The following SLFN14 variants were observed in gnomAD, a reference collection of about 807,000 sequenced individuals.
The protein encoded by SLFN14 is protein SLFN14.
SLFN14 carries 47 observed loss-of-function variants against 58.6 expected under a neutral mutation model. The observed-to-expected ratio is 0.80, with a 90% confidence interval of 0.64 to 1.02. The LOEUF is 1.02. Ranked by LOEUF, SLFN14 falls within the 50% of genes least tolerant of loss-of-function variation. SLFN14 has a pLI of 0.00. For synonymous variants in SLFN14, 390 were observed against 387.3 expected (o/e 1.01, Z -0.08); for missense variants, 967 against 1,078.4 (o/e 0.90, Z 1.45).
At position 35,545,395 on chromosome 17, in the gene SLFN14, G is replaced by A. The variant is rs978594265; in HGVS notation, c.*2844C>T. Among the ~76,000 whole-genome samples, 1 of 152,182 alleles carries A rather than the reference G, an allele frequency of 6.6e-6. No individual in the cohort carries two copies. The highest frequency in any genetic ancestry group is 2.4e-5 in the African/African-American group (1 of 41,450). Reference sequence around the variant, plus strand: ...TCCTCTTACTCTCAAGGAGCTCACAGTCTTAATAGGAAGAGAAATGTGCAC... The same window carrying A: ...TCCTCTTACTCTCAAGGAGCTCACAATCTTAATAGGAAGAGAAATGTGCAC... On this transcript the variant is annotated 3_prime_UTR_variant, in exon 6 of 6. Transcript: ENST00000674182.
In SLFN14 at chr17:35,552,940, C is replaced by T; in HGVS notation, c.1694G>A (p.Cys565Tyr). 1.3e-6 allele frequency: 2 copies of T among 1,551,626 alleles called. No homozygotes were observed. Among genetic ancestry groups the T allele is most frequent in the Non-Finnish European group, 1.7e-6 (2 of 1,146,998 alleles). ...SRSLLSDQMGCEFFNLLIMEQ... is the reference protein window; with the variant it reads ...SRSLLSDQMGYEFFNLLIMEQ... ...CATTATGAGCAAGTTGAAAAATTCACAGCCCATCTGGTCACTCAGAAGAGA... is the reference window on the plus strand; with the variant it reads ...CATTATGAGCAAGTTGAAAAATTCATAGCCCATCTGGTCACTCAGAAGAGA... Residue 565 changes from cysteine (C) to tyrosine (Y), a missense_variant, in exon 5 of 6, where the codon TGT becomes TAT. Physicochemically the swap from Cys to Tyr is radical, Grantham distance 194 (BLOSUM62 -2). Coordinates refer to ENST00000674182, the MANE Select transcript of SLFN14 (RefSeq NM_001129820.2).
chr17:35,552,666 A>ATG (rs2072605852), intron 5 of SLFN14, 64 bp downstream of exon 5: 3 of 866,248 alleles, frequency 3.5e-6, no homozygotes, highest in African/African-American at 3.5e-5. Flanking sequence ...ATATACACAT[A>ATG]TATATACACA....
intron 5 of SLFN14, among the ~76,000 whole-genome samples, 194 bp downstream of exon 5, chr17:35,552,536 G>T (rs576393879): frequency 6.6e-6 from 1 of 151,636 alleles, no homozygotes; most frequent in Admixed American, 6.6e-5. Context: ...TACCCTCTTT[G>T]GGTCCCCTCC....
At chr17:35,555,823 A>T (rs986724594) in intron 3 of SLFN14, among the ~76,000 whole-genome samples, 1 of 152,172 alleles carries the variant, frequency 6.6e-6, no homozygotes. Flanking sequence ...CAAAACTGAA[A>T]GGTAAGTGAG....
Position 35,553,618 on chromosome 17 carries a change from C to T in SLFN14, c.1190-174G>A, listed in dbSNP as rs151238498. ...ACTCCCCAACTCTCCCCCATCCCCA[C>T]GGACATTTGGCAATGTCTGGAAAAT... On this transcript the variant is annotated intron_variant, in intron 4 of 5. Transcript: ENST00000674182. 4.3e-4 allele frequency: 256 copies of T among 600,872 alleles called. 2 individuals carry two copies. Among genetic ancestry groups the T allele is most frequent in the African/African-American group, 3.6e-3 (190 of 53,372 alleles). 37.2% of individuals were successfully genotyped at this position (600,872 alleles called of 1,614,324 possible).
At position 35,544,528 on chromosome 17, in the gene SLFN14, CTTT is replaced by C. The variant is rs10641330; in HGVS notation, c.*3708_*3710del. On this transcript the variant is annotated 3_prime_UTR_variant, in exon 6 of 6. Coordinates refer to ENST00000674182, the MANE Select transcript of SLFN14 (RefSeq NM_001129820.2). ...CCCAGATAACAAGATGATTTAAGAA[CTTT>C]TTTTTTTTTTTTTTGAGACAGAGTT... Among the ~76,000 whole-genome samples, 3 of 139,826 alleles carry C rather than the reference CTTT, an allele frequency of 2.1e-5. No individual in the cohort carries two copies. The highest frequency in any genetic ancestry group is 7.2e-5 in the Admixed American group (1 of 13,972). The allele number at this position is 139,826 out of a possible 152,430, so 91.7% of individuals were successfully genotyped here. A position where few individuals can be genotyped will look rare whatever the true frequency, so the allele number is the denominator to read the frequency against.
intron 4 of SLFN14, among the ~76,000 whole-genome samples, chr17:35,553,744 T>C: frequency 6.6e-6 from 1 of 152,162 alleles, no homozygotes; most frequent in Non-Finnish European, 1.5e-5. Context: ...GTTCCAGTGA[T>C]TCTTCTGCCT....
chr17:35,554,265 T>A (rs1445061806), intron 4 of SLFN14, among the ~76,000 whole-genome samples: 2 of 149,548 alleles, frequency 1.3e-5, no homozygotes, highest in Non-Finnish European at 3.0e-5. Context: ...ATAGTGGGAA[T>A]CAGATGACTG....
chr17:35,554,130 C>G (rs1271398369), intron 4 of SLFN14, among the ~76,000 whole-genome samples: 1 of 151,752 alleles, frequency 6.6e-6, no homozygotes, highest in East Asian at 1.9e-4. Flanking sequence ...CCCAATGGCT[C>G]CTTCTGCATT....
At position 35,546,205 on chromosome 17, in the gene SLFN14, C is replaced by G. The variant is rs2072533342; in HGVS notation, c.*2034G>C. Among the ~76,000 whole-genome samples, 5 of 152,186 alleles carry G rather than the reference C, an allele frequency of 3.3e-5. No homozygotes were observed. The highest frequency in any genetic ancestry group is 2.1e-4 in the South Asian group (1 of 4,830). On this transcript the variant is annotated 3_prime_UTR_variant, in exon 6 of 6. Transcript: ENST00000674182. The stretch of plus-strand genomic sequence containing the variant: ...TTATTTTTATAGAATTCATACATCT[C>G]CCTACATCAGAATGTCAATGCACTG...
chr17:35,552,935 A>T lies in SLFN14; in HGVS notation c.1699T>A (p.Phe567Ile). Residue 567 changes from phenylalanine (F) to isoleucine (I), a missense_variant, in exon 5 of 6, where the codon TTT becomes ATT. Phe to Ile is a conservative substitution (Grantham distance 21). Coordinates refer to ENST00000674182, the MANE Select transcript of SLFN14 (RefSeq NM_001129820.2). ...TGCTCCATTATGAGCAAGTTGAAAA[A>T]TTCACAGCCCATCTGGTCACTCAGA... ...SLLSDQMGCEFFNLLIMEQSQ... is the reference protein window; with the variant it reads ...SLLSDQMGCEIFNLLIMEQSQ... 6.4e-7 allele frequency: 1 copy of T among 1,551,576 alleles called. No homozygotes were observed. The highest frequency in any genetic ancestry group is 8.7e-7 in the Non-Finnish European group (1 of 1,146,992).
Position 35,548,988 on chromosome 17 carries a change from T to A in SLFN14, c.1990A>T (p.Thr664Ser). The A allele has an allele frequency of 6.4e-7, 1 of 1,551,698 alleles. No homozygotes were observed. Among genetic ancestry groups the A allele is most frequent in the Non-Finnish European group, 8.7e-7 (1 of 1,146,988 alleles). Residue 664 changes from threonine (T) to serine (S), a missense_variant, in exon 6 of 6, where the codon ACT becomes TCT. Coordinates refer to ENST00000674182, the MANE Select transcript of SLFN14 (RefSeq NM_001129820.2). ...LKIKHIVMDE[T>S]ENFCSKYGNW... ...CCATATTTGCTGCAGAAATTCTCAG[T>A]CTCATCCATCACTATGTGTTTAATC...
rs1418306089 is a variant in SLFN14 at position 35,544,437 on chromosome 17, T to C, written c.*3802A>G. Among the ~76,000 whole-genome samples the C allele has an allele frequency of 6.6e-6, 1 of 152,126 alleles. No homozygotes were observed. The highest frequency in any genetic ancestry group is 1.5e-5 in the Non-Finnish European group (1 of 68,036). Reference sequence around the variant, plus strand: ...TGATGGCACAACTTGATCATAACTGTGTGAAAATATTTTTCCATATCAACA... The same window carrying C: ...TGATGGCACAACTTGATCATAACTGCGTGAAAATATTTTTCCATATCAACA... On this transcript the variant is annotated 3_prime_UTR_variant, in exon 6 of 6. Coordinates refer to ENST00000674182, the MANE Select transcript of SLFN14 (RefSeq NM_001129820.2).
chr17:35,548,454 G>A lies in SLFN14; in HGVS notation c.2524C>T (p.His842Tyr), dbSNP rs2072552264. Residue 842 changes from histidine (H) to tyrosine (Y), a missense_variant, in exon 6 of 6, where the codon CAC (histidine) becomes TAC (tyrosine). Transcript: ENST00000674182. ...LLKAMELIET[H>Y]RPSEVVFSPA... ...CTAAACACAACCTCTGATGGTCTGT[G>A]GGTCTCAATTAATTCCATTGCTTTG... 5 of 1,551,712 alleles carry A rather than the reference G, an allele frequency of 3.2e-6. No homozygotes were observed. Among genetic ancestry groups the A allele is most frequent in the Non-Finnish European group, 4.4e-6 (5 of 1,147,002 alleles).
chr17:35,555,908 T>A (rs978000478), intron 3 of SLFN14, among the ~76,000 whole-genome samples: 4 of 152,162 alleles, frequency 2.6e-5, no homozygotes, highest in Non-Finnish European at 1.5e-5. Flanking sequence ...CCCCACTTGG[T>A]GGTGCCCTAA....
intron 2 of SLFN14, 110 bp from the exon 3 acceptor site, chr17:35,558,216 T>A: frequency 1.6e-5 from 12 of 731,018 alleles, no homozygotes; most frequent in Non-Finnish European, 2.6e-5. Flanking sequence ...TTGGAAGTCA[T>A]CTCTCTCTAT....
rs557846732 is a variant in SLFN14, at chr17:35,548,837, T to C, written c.2141A>G (p.Asn714Ser). The change falls in exon 6 of 6, where the codon AAT becomes AGT. Residue 714 changes from asparagine (N) to serine (S), a missense_variant. By Grantham distance (46) the Asn-to-Ser change is conservative. Transcript: ENST00000674182. ...DPFQIHHADV[N>S]GLPPPSAQFP... The stretch of plus-strand genomic sequence containing the variant: ...CTGAGCAGATGGAGGGGGAAGGCCA[T>C]TGACATCTGCGTGATGGATTTGAAA... 15 of 1,551,706 alleles carry C rather than the reference T, an allele frequency of 9.7e-6. No individual in the cohort carries two copies. Among genetic ancestry groups the C allele is most frequent in the African/African-American group, 2.7e-5 (2 of 73,164 alleles).
rs146186053 is a variant in SLFN14 at position 35,547,892 on chromosome 17, C to T, written c.*347G>A. The stretch of plus-strand genomic sequence containing the variant: ...CTTGAAAATTGGTTAGGTTTGAAGG[C>T]TGTGGGGACTCATTGAAGATATGTT... On this transcript the variant is annotated 3_prime_UTR_variant, in exon 6 of 6. Transcript: ENST00000674182. 6.6e-6 allele frequency among the ~76,000 whole-genome samples: 1 copy of T among 152,300 alleles called. No individual in the cohort carries two copies. Among genetic ancestry groups the T allele is most frequent in the East Asian group, 1.9e-4 (1 of 5,188 alleles).
rs1161691837 is a variant in SLFN14, at chr17:35,547,058, A to G, written c.*1181T>C. Among the ~76,000 whole-genome samples, 2 of 152,248 alleles carry G rather than the reference A, an allele frequency of 1.3e-5. No homozygotes were observed. The highest frequency in any genetic ancestry group is 2.4e-5 in the African/African-American group (1 of 41,466). Reference sequence around the variant, plus strand: ...GCAGAGTATAAGGCATTTCTAGCCTACATGAATGTATTCACATACATAGAG... The same window carrying G: ...GCAGAGTATAAGGCATTTCTAGCCTGCATGAATGTATTCACATACATAGAG... On this transcript the variant is annotated 3_prime_UTR_variant, in exon 6 of 6. Transcript: ENST00000674182.
Sources: gnomAD v4.1 joint callset for allele counts (sites outside exome capture counted in the v4.1 genomes callset) on GRCh38, gnomAD v4.1.1 for gene constraint, MANE v1.5 for transcripts, NCBI Gene and HGNC (gene_info 2026-07-23, HGNC 2026-07-21) for gene names.